The following LARP4B variants were observed in gnomAD, a reference collection of about 807,000 sequenced individuals.
LARP4B encodes La ribonucleoprotein 4B.
Under a neutral mutation model 89.8 loss-of-function variants are expected in LARP4B, and 12 were observed. The observed-to-expected ratio is 0.13, with a 90% confidence interval of 0.09 to 0.22. The LOEUF (loss-of-function observed/expected upper bound fraction) is 0.22. Among genes scored for constraint, LARP4B ranks in the 10% least tolerant of loss-of-function variants. The pLI is 1.00. For synonymous variants in LARP4B, 367 were observed against 363.3 expected, an observed-to-expected ratio of 1.01 and a Z score of -0.12; for missense variants, 757 against 947.7, an observed-to-expected ratio of 0.80 and a Z score of 2.64.
chr10:939,651 C>T, the LARP4B span, among the ~76,000 whole-genome samples: 1 of 152,178 alleles, frequency 6.6e-6, no homozygotes, highest in Non-Finnish European at 1.5e-5. Context: ...GCTGCACTTG[C>T]ACCTTGATGA....
chr10:934,870 T>G (rs942120521), upstream of LARP4B, among the ~76,000 whole-genome samples: 19 of 152,304 alleles, frequency 1.2e-4, no homozygotes, highest in Non-Finnish European at 7.3e-5. Flanking sequence ...CCTGGTTTGA[T>G]TCAGTGGCGT....
At chr10:928,768 G>A (rs1235683575) in intron 1 of LARP4B, among the ~76,000 whole-genome samples, 1 of 152,092 alleles carries the variant, frequency 6.6e-6, no homozygotes, top group Admixed American at 6.5e-5. Flanking sequence ...TTTTGGTAGA[G>A]ATGAGGTCTC....
intron 8 of LARP4B, among the ~76,000 whole-genome samples, chr10:832,265 G>A (rs1274957181): frequency 2.0e-5 from 3 of 151,672 alleles, no homozygotes; most frequent in Admixed American, 6.6e-5. Flanking sequence ...GGATGGTCTC[G>A]ATCTCCTGAC....
chr10:915,515 G>T (rs1836794091), intron 1 of LARP4B, among the ~76,000 whole-genome samples: 1 of 152,000 alleles, frequency 6.6e-6, no homozygotes, highest in African/African-American at 2.4e-5. Flanking sequence ...AAAAGTTTTT[G>T]TTTTTTTGGC....
chr10:815,418 CA>C (rs1431709742), intron 15 of LARP4B: 1 of 171,252 alleles, frequency 5.8e-6, no homozygotes, highest in Non-Finnish European at 1.2e-5. Flanking sequence ...ACACCACATG[CA>C]TATCTGCTGA....
chr10:976,388 C>T, the LARP4B span, among the ~76,000 whole-genome samples: 1 of 150,702 alleles, frequency 6.6e-6, no homozygotes, highest in Admixed American at 6.6e-5. Context: ...AGAATGTAGG[C>T]CTATCATGCA....
the LARP4B span, among the ~76,000 whole-genome samples, chr10:944,786 T>G: frequency 2.0e-5 from 3 of 152,232 alleles, no homozygotes; most frequent in Admixed American, 2.0e-4. Flanking sequence ...GTTTCTGGTG[T>G]TCTTTGATTT....
chr10:928,384 T>C (rs2132066331), intron 1 of LARP4B, among the ~76,000 whole-genome samples: 1 of 152,336 alleles, frequency 6.6e-6, no homozygotes, highest in South Asian at 2.1e-4. Flanking sequence ...TAATCCTAGC[T>C]ATCACTATTT....
chr10:838,012 C>T (rs1315554951), intron 7 of LARP4B, among the ~76,000 whole-genome samples: 1 of 152,128 alleles, frequency 6.6e-6, no homozygotes, highest in East Asian at 1.9e-4. Flanking sequence ...AGTGTACACA[C>T]ATACATCATT....
chr10:959,766 CCGTCATTCCCACCTCCT>C, the LARP4B span, among the ~76,000 whole-genome samples: 489 of 81,046 alleles, frequency 6.0e-3, 159 homozygotes, highest in Non-Finnish European at 8.2e-3. Context: ...ATCCACCTCC[CCGTCATTCCCACCTCCT>C]CGTCATTCCC....
chr10:863,264 C>T (rs1324700421), intron 5 of LARP4B, among the ~76,000 whole-genome samples: 1 of 151,374 alleles, frequency 6.6e-6, no homozygotes, highest in Non-Finnish European at 1.5e-5. Context: ...CGCTCTGTCG[C>T]CCAGGCTGGA....
At chr10:841,930 T>G (rs973903626) in intron 7 of LARP4B, among the ~76,000 whole-genome samples, 2 of 152,094 alleles carry the variant, frequency 1.3e-5, no homozygotes, top group Admixed American at 6.5e-5. Flanking sequence ...TAAGTTCTCA[T>G]GTAAGATGCT....
At chr10:918,366 C>T (rs11253509) in intron 1 of LARP4B, among the ~76,000 whole-genome samples, 27,854 of 152,088 alleles carry the variant, frequency 0.18, 2,811 homozygotes, top group Non-Finnish European at 0.23. Flanking sequence ...GGGATGATGG[C>T]ACATGCCTGT....
intron 9 of LARP4B, 73 bp from the exon 10 acceptor site, chr10:829,807 T>C (rs1832805574): frequency 2.1e-6 from 2 of 955,166 alleles, no homozygotes; most frequent in Admixed American, 1.8e-5. Flanking sequence ...GTTCACTCAA[T>C]AGCTCAAATA....
chr10:886,529 C>CA (rs1835863047), intron 1 of LARP4B, among the ~76,000 whole-genome samples: 1 of 152,174 alleles, frequency 6.6e-6, no homozygotes, highest in East Asian at 1.9e-4. Context: ...TCACAATAGT[C>CA]AAGACATAGA....
rs1248487307 is a variant in LARP4B, at chr10:811,789, G to C, written c.*1137C>G. The C allele has an allele frequency of 4.6e-5, 7 of 152,446 alleles. No homozygotes were observed. The highest frequency in any genetic ancestry group is 1.7e-4 in the African/African-American group (7 of 41,364). 9.4% of individuals were successfully genotyped at this position (152,446 alleles called of 1,614,324 possible). A position where few individuals can be genotyped will look rare whatever the true frequency, so the allele number is the denominator to read the frequency against. On this transcript the variant is annotated 3_prime_UTR_variant, in exon 18 of 18. Coordinates refer to ENST00000316157, the MANE Select transcript of LARP4B (RefSeq NM_015155.3). ...CTGCTTAGAATAAAGAAAAATTTGA[G>C]GCATTTTAAAACAAAATAATTTATA...
the LARP4B span, among the ~76,000 whole-genome samples, chr10:978,435 A>C: frequency 6.6e-6 from 1 of 152,078 alleles, no homozygotes; most frequent in East Asian, 1.9e-4. Context: ...CTACCATATT[A>C]TTTGTGGTTT....
chr10:857,564 AT>A (rs1001210538), intron 5 of LARP4B, among the ~76,000 whole-genome samples: 108 of 152,104 alleles, frequency 7.1e-4, no homozygotes, highest in African/African-American at 2.6e-3. Context: ...GGGAGGTACG[AT>A]TTTCGGATCA....
chr10:984,816 C>T, the LARP4B span, among the ~76,000 whole-genome samples: 3 of 152,026 alleles, frequency 2.0e-5, no homozygotes, highest in Non-Finnish European at 4.4e-5. Flanking sequence ...CCCAGCTACT[C>T]GGGAGGCTGA....
Sources: gnomAD v4.1 joint callset for allele counts (sites outside exome capture counted in the v4.1 genomes callset) on GRCh38, gnomAD v4.1.1 for gene constraint, MANE v1.5 for transcripts, NCBI Gene and HGNC (gene_info 2026-07-23, HGNC 2026-07-21) for gene names.